The following MAGI3 variants were observed in gnomAD, a reference collection of about 807,000 sequenced individuals.
MAGI3 encodes membrane associated guanylate kinase, WW and PDZ domain containing 3.
Under a neutral mutation model 121.8 loss-of-function variants are expected in MAGI3, and 43 were observed. The observed-to-expected ratio is 0.35, with a 90% CI of 0.28 to 0.46. MAGI3 has a LOEUF of 0.46. Ranked by LOEUF, MAGI3 falls within the 20% of genes least tolerant of loss-of-function variation. MAGI3 has a pLI of 1.00. For synonymous variants in MAGI3, 553 were observed against 639.3 expected (o/e 0.86, Z 2.04); for missense variants, 1,547 against 1,797.3 (o/e 0.86, Z 2.52).
intron 6 of MAGI3, among the ~76,000 whole-genome samples, chr1:113,597,012 C>G (rs1034071125): frequency 3.3e-5 from 5 of 152,120 alleles, no homozygotes; most frequent in African/African-American, 1.2e-4. Flanking sequence ...CTCATAAAGA[C>G]TTGCATGCAA....
chr1:113,425,744 C>T (rs77514709), intron 1 of MAGI3, among the ~76,000 whole-genome samples: 3,553 of 152,032 alleles, frequency 0.023, 133 homozygotes, highest in African/African-American at 0.081. Flanking sequence ...CTGCAGGATC[C>T]GTCGTAATAG....
At chr1:113,423,262 G>C (rs1010150345) in intron 1 of MAGI3, among the ~76,000 whole-genome samples, 8 of 147,584 alleles carry the variant, frequency 5.4e-5, no homozygotes, top group East Asian at 2.0e-4. Flanking sequence ...TTTTTTTTGG[G>C]GGGGGGGTTG....
At chr1:113,618,501 A>ATTTTTAT in intron 7 of MAGI3, 1 of 449,550 alleles carries the variant, frequency 2.2e-6, no homozygotes. Flanking sequence ...TCACCTCTTT[A>ATTTTTAT]TTTTTATTTT....
At chr1:113,394,910 C>A (rs1256680930) in intron 1 of MAGI3, among the ~76,000 whole-genome samples, 1 of 152,042 alleles carries the variant, frequency 6.6e-6, no homozygotes, top group East Asian at 1.9e-4. Context: ...AAAGTCTTCA[C>A]TGCTGACTCT....
intron 1 of MAGI3, among the ~76,000 whole-genome samples, chr1:113,463,675 G>T (rs545375348): frequency 6.6e-6 from 1 of 151,992 alleles, no homozygotes; most frequent in African/African-American, 2.4e-5. Context: ...CTGTGAAGGC[G>T]GGGGAGAGAT....
chr1:113,651,978 A>T (rs138950191), intron 14 of MAGI3, among the ~76,000 whole-genome samples: 347 of 152,278 alleles, frequency 2.3e-3, no homozygotes, highest in African/African-American at 7.9e-3. Flanking sequence ...ACTATGTCCT[A>T]GATGCATGGA....
chr1:113,621,698 G>T (rs2101787538), intron 8 of MAGI3, among the ~76,000 whole-genome samples: 1 of 150,844 alleles, frequency 6.6e-6, no homozygotes, highest in Non-Finnish European at 1.5e-5. Flanking sequence ...CATATTATTT[G>T]GCAATAATAT....
chr1:113,416,378 TTAA>T lies in MAGI3; in HGVS notation c.316+25035_316+25037del, dbSNP rs1205344556. Among the ~76,000 whole-genome samples, 848 of 99,358 alleles carry T rather than the reference TTAA, an allele frequency of 8.5e-3. 45 individuals carry two copies. Among genetic ancestry groups the T allele is most frequent in the Non-Finnish European group, 0.014 (710 of 51,326 alleles). The allele number at this position is 99,358 out of a possible 152,430, so 65.2% of individuals were successfully genotyped here. ...TATTAATTTATATTATATTAATATA[TTAA>T]TAATATATATTAATTATTAATTAAT... On this transcript the variant is annotated intron_variant, in intron 1 of 20. Transcript: ENST00000307546.
intron 1 of MAGI3, among the ~76,000 whole-genome samples, chr1:113,491,725 G>A (rs1352495906): frequency 1.3e-5 from 2 of 152,112 alleles, no homozygotes; most frequent in Non-Finnish European, 2.9e-5. Context: ...AACCATCAGA[G>A]AATATTATGA....
chr1:113,575,862 C>T (rs529263680), intron 2 of MAGI3, among the ~76,000 whole-genome samples: 1 of 152,230 alleles, frequency 6.6e-6, no homozygotes. Flanking sequence ...ACTGGGGCTG[C>T]TGCCTTTCTT....
intron 1 of MAGI3, among the ~76,000 whole-genome samples, chr1:113,465,015 C>G (rs1655209542): frequency 6.6e-6 from 1 of 152,130 alleles, no homozygotes; most frequent in Admixed American, 6.6e-5. Flanking sequence ...TCCCATTTGT[C>G]TATTTTTGCT....
chr1:113,627,093 C>T (rs1393356500), intron 9 of MAGI3, among the ~76,000 whole-genome samples: 1 of 151,732 alleles, frequency 6.6e-6, no homozygotes, highest in African/African-American at 2.4e-5. Context: ...CTTAGTACTG[C>T]TTTTGCTGTA....
At chr1:113,460,223 C>G (rs546926458) in intron 1 of MAGI3, among the ~76,000 whole-genome samples, 1 of 152,216 alleles carries the variant, frequency 6.6e-6, no homozygotes, top group East Asian at 1.9e-4. Context: ...ATTCAACATC[C>G]CTTAATGTAA....
intron 16 of MAGI3, among the ~76,000 whole-genome samples, chr1:113,662,642 TC>T (rs1329355590): frequency 6.6e-6 from 1 of 152,210 alleles, no homozygotes; most frequent in Non-Finnish European, 1.5e-5. Flanking sequence ...CATTCTCATT[TC>T]TCTCACTGCT....
At chr1:113,649,698 A>G (rs1283353508) in intron 13 of MAGI3, among the ~76,000 whole-genome samples, 4 of 152,168 alleles carry the variant, frequency 2.6e-5, no homozygotes, top group Non-Finnish European at 4.4e-5. Flanking sequence ...CTATTACTCT[A>G]TCTTCTGGAT....
intron 1 of MAGI3, among the ~76,000 whole-genome samples, chr1:113,504,426 C>A (rs1657207965): frequency 6.6e-6 from 1 of 152,036 alleles, no homozygotes. Context: ...TTTGGAAGAT[C>A]AAATTTAGAT....
Position 113,683,989 on chromosome 1 carries a change from T to G in MAGI3, c.4421T>G (p.Ile1474Ser), listed in dbSNP as rs760136876. 2 of 1,579,608 alleles carry G rather than the reference T, an allele frequency of 1.3e-6. No homozygotes were observed. Among genetic ancestry groups the G allele is most frequent in the Non-Finnish European group, 1.7e-6 (2 of 1,167,946 alleles). Residue 1474 changes from isoleucine to serine, a missense_variant, in exon 21 of 21, where the codon ATT becomes AGT. Ile to Ser is a moderately radical substitution (Grantham distance 142, BLOSUM62 -2). Coordinates refer to ENST00000307546, the MANE Select transcript of MAGI3 (RefSeq NM_001142782.2). ...AGTGGAAATAAAGTCACAGGCACTA[T>G]TGGTATGGCTGAGAAACGGCAGTAA... ...VPSGNKVTGT[I>S]GMAEKRQ
At chr1:113,448,859 C>G (rs1654312832) in intron 1 of MAGI3, among the ~76,000 whole-genome samples, 1 of 152,114 alleles carries the variant, frequency 6.6e-6, no homozygotes, top group Non-Finnish European at 1.5e-5. Flanking sequence ...GTGGATCACG[C>G]CTGTAATTCC....
intron 9 of MAGI3, among the ~76,000 whole-genome samples, chr1:113,637,277 G>A (rs965670545): frequency 1.3e-5 from 2 of 152,164 alleles, no homozygotes; most frequent in African/African-American, 4.8e-5. Flanking sequence ...TCATTATGAT[G>A]TTCGCTGGTT....
Sources: gnomAD v4.1 joint callset for allele counts (sites outside exome capture counted in the v4.1 genomes callset) on GRCh38, gnomAD v4.1.1 for gene constraint, MANE v1.5 for transcripts, NCBI Gene and HGNC (gene_info 2026-07-23, HGNC 2026-07-21) for gene names.